Variants in CTCF observed in about 807,000 individuals in gnomAD.
CTCF encodes the protein transcriptional repressor CTCF.
In CTCF, 7 loss-of-function variants were observed where a neutral mutation model predicts 72.3. That is an observed-to-expected ratio of 0.10 (90% CI 0.06 to 0.18). CTCF has a LOEUF of 0.18. Among genes scored for constraint, CTCF ranks in the 10% least tolerant of loss-of-function variants. CTCF has a pLI of 1.00. For missense variants in CTCF, 516 were observed against 949.1 expected (o/e 0.54, Z 6.00); for synonymous variants, 374 against 315.8 (o/e 1.18, Z -1.95).
intron 2 of CTCF, among the ~76,000 whole-genome samples, chr16:67,579,254 A>AAAAT (rs575612423): frequency 6.6e-6 from 1 of 152,110 alleles, no homozygotes; most frequent in Non-Finnish European, 1.5e-5. Context: ...ACTCCGTCTC[A>AAAAT]AAATAAATAA....
chr16:67,598,884 G>A (rs2051849805), intron 2 of CTCF, among the ~76,000 whole-genome samples: 1 of 152,254 alleles, frequency 6.6e-6, no homozygotes, highest in African/African-American at 2.4e-5. Flanking sequence ...AAAGGCCATT[G>A]CTGGCCTCAG....
At chr16:67,573,326 G>A (rs979019851) in intron 2 of CTCF, among the ~76,000 whole-genome samples, 1 of 152,020 alleles carries the variant, frequency 6.6e-6, no homozygotes, top group Non-Finnish European at 1.5e-5. Context: ...CTACTCGGGA[G>A]GCTGAGGCAG....
At chr16:67,619,434 TCAAAAAAAAC>T (rs908125318) in intron 5 of CTCF, among the ~76,000 whole-genome samples, 2 of 152,014 alleles carry the variant, frequency 1.3e-5, no homozygotes, top group East Asian at 1.9e-4. Flanking sequence ...AGATTTCATC[TCAAAAAAAAC>T]CAAAAAAAAC....
chr16:67,628,231 C>G (rs928968786), intron 8 of CTCF, 139 bp from the exon 9 acceptor site: 2 of 705,856 alleles, frequency 2.8e-6, no homozygotes, highest in Non-Finnish European at 4.7e-6. Context: ...AAATATATAG[C>G]TTTATCATCT....
intron 8 of CTCF, 70 bp downstream of exon 8, chr16:67,626,785 C>T (rs1597725442): frequency 3.6e-6 from 4 of 1,122,620 alleles, no homozygotes; most frequent in East Asian, 5.6e-5. Context: ...ATTTACATAT[C>T]TAGTACAGTG....
chr16:67,619,925 T>C (rs918103741), intron 5 of CTCF, among the ~76,000 whole-genome samples: 1 of 152,044 alleles, frequency 6.6e-6, no homozygotes, highest in African/African-American at 2.4e-5. Flanking sequence ...GTCACTGTTT[T>C]AGTATAAGGT....
intron 2 of CTCF, among the ~76,000 whole-genome samples, chr16:67,604,185 T>G (rs2051938364): frequency 6.6e-6 from 1 of 150,940 alleles, no homozygotes. Flanking sequence ...TGGCATAAAC[T>G]GTAGTCCTAG....
chr16:67,574,308 C>T (rs1462062051), intron 2 of CTCF, among the ~76,000 whole-genome samples: 2 of 152,132 alleles, frequency 1.3e-5, no homozygotes, highest in Non-Finnish European at 2.9e-5. Context: ...CTCAAGGAAA[C>T]ACTTCTTTAG....
intron 7 of CTCF, among the ~76,000 whole-genome samples, chr16:67,623,032 G>T (rs1200902129): frequency 6.6e-6 from 1 of 151,450 alleles, no homozygotes; most frequent in Non-Finnish European, 1.5e-5. Flanking sequence ...CCTGATCTCT[G>T]TTCACTGCAA....
rs2142824293 is a variant in CTCF at position 67,611,056 on chromosome 16, C to G, written c.224C>G (p.Thr75Ser). The change falls in exon 3 of 12, where the codon ACT becomes AGT. Residue 75 changes from threonine (T) to serine (S), a missense_variant. Transcript: ENST00000264010. ...QLDPTLLQMKTEVMEGTVAPE... is the reference protein window; with the variant it reads ...QLDPTLLQMKSEVMEGTVAPE... ...GACCCCACCCTTCTTCAGATGAAGA[C>G]TGAAGTAATGGAGGGCACAGTGGCT... 6.2e-7 allele frequency: 1 copy of G among 1,614,148 alleles called. No individual in the cohort carries two copies. The highest frequency in any genetic ancestry group is 8.5e-7 in the Non-Finnish European group (1 of 1,180,030).
chr16:67,629,430 T>C lies in CTCF; in HGVS notation c.1734T>C (p.Ala578=), dbSNP rs2052333095. 1 of 1,609,888 alleles carries C rather than the reference T, an allele frequency of 6.2e-7. No individual in the cohort carries two copies. Among genetic ancestry groups the C allele is most frequent in the Non-Finnish European group, 8.5e-7 (1 of 1,178,158 alleles). The change falls in exon 10 of 12, where the codon GCT becomes GCC. Residue 578 remains alanine (A), a synonymous_variant. Coordinates refer to ENST00000264010, the MANE Select transcript of CTCF (RefSeq NM_006565.4). ...TGGCAAGACATGCTGATAATTGTGCTGGCCCAGATGGCGTAGAGGGGGAAA... is the reference window on the plus strand; with the variant it reads ...TGGCAAGACATGCTGATAATTGTGCCGGCCCAGATGGCGTAGAGGGGGAAA... ...NTMARHADNC[A]GPDGVEGENG...
intron 2 of CTCF, among the ~76,000 whole-genome samples, chr16:67,590,037 A>C (rs1056661700): frequency 6.6e-6 from 1 of 152,160 alleles, no homozygotes; most frequent in Non-Finnish European, 1.5e-5. Flanking sequence ...CAGTGAGCCA[A>C]GATGGCGCCA....
intron 5 of CTCF, among the ~76,000 whole-genome samples, chr16:67,618,818 A>G (rs1292666035): frequency 2.0e-5 from 3 of 152,256 alleles, no homozygotes; most frequent in Admixed American, 2.0e-4. Flanking sequence ...ATGTACATGA[A>G]GAAAACCTCA....
chr16:67,594,589 C>T (rs114017638), intron 2 of CTCF, among the ~76,000 whole-genome samples: 3 of 152,052 alleles, frequency 2.0e-5, no homozygotes, highest in African/African-American at 4.8e-5. Context: ...AAAAAAACTT[C>T]GCATCACTAA....
At chr16:67,588,763 T>C (rs956899290) in intron 2 of CTCF, among the ~76,000 whole-genome samples, 2 of 152,146 alleles carry the variant, frequency 1.3e-5, no homozygotes, top group Admixed American at 6.5e-5. Flanking sequence ...CTCAGCTCAC[T>C]GCAACCTCCA....
At chr16:67,630,357 C>T (rs981662205) in intron 10 of CTCF, among the ~76,000 whole-genome samples, 1 of 152,158 alleles carries the variant, frequency 6.6e-6, no homozygotes, top group Admixed American at 6.6e-5. Context: ...CTTAATCTCT[C>T]CATTTAAAGT....
Position 67,626,648 on chromosome 16 carries a change from A to G in CTCF, c.1451A>G (p.Gln484Arg), listed in dbSNP as rs780149756. 6.4e-7 allele frequency: 1 copy of G among 1,570,724 alleles called. No homozygotes were observed. The highest frequency in any genetic ancestry group is 8.6e-7 in the Non-Finnish European group (1 of 1,156,692). ...AVFHERYALIQHQKSHKNEKR... is the reference protein window; with the variant it reads ...AVFHERYALIRHQKSHKNEKR... ...TTTCATGAGCGCTATGCCCTCATCC[A>G]GCATCAGAAGTCACACAAGAATGAG... The change falls in exon 8 of 12, where the codon CAG becomes CGG. Residue 484 changes from glutamine (Q) to arginine (R), a missense_variant. Coordinates refer to ENST00000264010, the MANE Select transcript of CTCF (RefSeq NM_006565.4).
intron 2 of CTCF, among the ~76,000 whole-genome samples, chr16:67,578,879 T>C (rs1184983781): frequency 6.6e-6 from 1 of 150,756 alleles, no homozygotes; most frequent in African/African-American, 2.4e-5. Context: ...ACCCGGGAAG[T>C]GGAGGTTGCA....
intron 10 of CTCF, among the ~76,000 whole-genome samples, chr16:67,630,665 G>C (rs1022937972): frequency 2.6e-5 from 4 of 152,068 alleles, no homozygotes; most frequent in Non-Finnish European, 5.9e-5. Context: ...TGAGGTGGGA[G>C]AATCACCTGA....
Sources: gnomAD v4.1 joint callset for allele counts (sites outside exome capture counted in the v4.1 genomes callset) on GRCh38, gnomAD v4.1.1 for gene constraint, MANE v1.5 for transcripts, NCBI Gene and HGNC (gene_info 2026-07-23, HGNC 2026-07-21) for gene names.